TP53I3: variants seen among roughly 807,000 people sequenced by gnomAD.
TP53I3 encodes the protein quinone oxidoreductase PIG3.
Under a neutral mutation model 27.7 loss-of-function variants are expected in TP53I3, and 32 were observed. That is an observed-to-expected ratio of 1.16 (90% CI 0.87 to 1.55). The LOEUF is 1.55. Ranked by LOEUF, TP53I3 falls within the 40% of genes most tolerant of loss-of-function variation. The pLI is 0.00. For synonymous variants in TP53I3, 138 were observed against 167.8 expected (o/e 0.82, Z 1.37); for missense variants, 372 against 412.3 (o/e 0.90, Z 0.85).
In TP53I3 at chr2:24,084,469, G is replaced by C; in HGVS notation, c.-143C>G. 28 of 1,082,812 alleles carry C rather than the reference G, an allele frequency of 2.6e-5. No homozygotes were observed. The highest frequency in any genetic ancestry group is 3.3e-5 in the Non-Finnish European group (27 of 809,708). 67.1% of individuals were successfully genotyped at this position (1,082,812 alleles called of 1,614,324 possible). A position where few individuals can be genotyped will look rare whatever the true frequency, so the allele number is the denominator to read the frequency against. On this transcript the variant is annotated 5_prime_UTR_variant, in exon 1 of 5. Coordinates refer to ENST00000238721, the MANE Select transcript of TP53I3 (RefSeq NM_004881.5). The surrounding 1 kb of genome is among the most constrained non-coding windows in gnomAD (Gnocchi z 8.4). ...CCCAGCCTCAGGCTGGCACCGCAGC[G>C]CCCCCTGCCGGCCAGCGCCTCGCTG...
chr2:24,084,037 G>A lies in TP53I3; in HGVS notation c.138+152C>T, dbSNP rs1665137356. On this transcript the variant is annotated intron_variant, in intron 1 of 4. Coordinates refer to ENST00000238721, the MANE Select transcript of TP53I3 (RefSeq NM_004881.5). This position sits in a 1 kb window ranked among gnomAD's most constrained non-coding sequence, Gnocchi z 8.4. ...CCCTTGTTTTGCATGAACAAAGAGG[G>A]CGCCCTGGGTTTAGGTCTGGGAAGC... is the stretch of plus-strand genomic sequence containing the variant. The A allele has an allele frequency of 2.4e-6, 3 of 1,248,638 alleles. No individual in the cohort carries two copies. The highest frequency in any genetic ancestry group is 6.0e-5 in the Admixed American group (2 of 33,560). The allele number at this position is 1,248,638 out of a possible 1,614,324, so 77.3% of individuals were successfully genotyped here.
intron 1 of TP53I3, among the ~76,000 whole-genome samples, chr2:24,083,745 C>T (rs931350244): frequency 6.6e-6 from 1 of 152,180 alleles, no homozygotes; most frequent in Non-Finnish European, 1.5e-5. Flanking sequence ...CTCCGGGACT[C>T]TCAGAGTGGA....
In TP53I3 at chr2:24,084,361, CA is replaced by C; in HGVS notation, c.-36del. On this transcript the variant is annotated 5_prime_UTR_variant, in exon 1 of 5. Coordinates refer to ENST00000238721, the MANE Select transcript of TP53I3 (RefSeq NM_004881.5). This position sits in a 1 kb window ranked among gnomAD's most constrained non-coding sequence, Gnocchi z 8.4. ...GGACACAGGGCAGGGCAGGGCAGGACAGGACAGGGCAGGGCAGGGCAGGACA... is the reference window on the plus strand; with the variant it reads ...GGACACAGGGCAGGGCAGGGCAGGACGGACAGGGCAGGGCAGGGCAGGACA... The C allele has an allele frequency of 7.4e-7, 1 of 1,345,730 alleles. No homozygotes were observed. Among genetic ancestry groups the C allele is most frequent in the Non-Finnish European group, 1.0e-6 (1 of 989,536 alleles). The allele number at this position is 1,345,730 out of a possible 1,614,324, so 83.4% of individuals were successfully genotyped here.
chr2:24,079,773 G>T, intron 3 of TP53I3, 133 bp from the exon 4 acceptor site: 1 of 805,914 alleles, frequency 1.2e-6, no homozygotes, highest in Non-Finnish European at 2.0e-6. Flanking sequence ...AACACTGCTT[G>T]AAGAACTGTT....
At chr2:24,083,295 G>A (rs1248561571) in intron 1 of TP53I3, 143 bp from the exon 2 acceptor site, 3 of 1,067,564 alleles carry the variant, frequency 2.8e-6, no homozygotes, top group African/African-American at 1.6e-5. Context: ...GTAAGGAGAA[G>A]AAAAAGGAGA....
rs1179042517 is a variant in TP53I3, at chr2:24,082,956, C to A, written c.335G>T (p.Gly112Val). Residue 112 changes from glycine (G) to valine (V), a missense_variant, in exon 2 of 5, where the codon GGA (glycine) becomes GTA (valine). Gly to Val is a moderately radical substitution (Grantham distance 109). Transcript: ENST00000238721. ...GGCTGCAGCCTGGGTCAGGGTCAAT[C>A]CCTCTGGGATAGGCATGAGGAGCCC... is the stretch of plus-strand genomic sequence containing the variant. Reference protein sequence around the residue: ...PEGLLMPIPEGLTLTQAAAIP... With the variant: ...PEGLLMPIPEVLTLTQAAAIP... 6.2e-7 allele frequency: 1 copy of A among 1,614,082 alleles called. No individual in the cohort carries two copies. Among genetic ancestry groups the A allele is most frequent in the South Asian group, 1.1e-5 (1 of 91,072 alleles).
At chr2:24,078,753 T>C (rs1178693314) in intron 4 of TP53I3, among the ~76,000 whole-genome samples, 3 of 152,216 alleles carry the variant, frequency 2.0e-5, no homozygotes, top group African/African-American at 4.8e-5. Context: ...AGGACTCATA[T>C]AGGCTTAGTG....
chr2:24,080,694 C>T lies in TP53I3; in HGVS notation c.619+125G>A. The T allele has an allele frequency of 5.2e-6, 6 of 1,153,226 alleles. No individual in the cohort carries two copies. Among genetic ancestry groups the T allele is most frequent in the Non-Finnish European group, 7.6e-6 (6 of 791,210 alleles). The allele number at this position is 1,153,226 out of a possible 1,614,324, so 71.4% of individuals were successfully genotyped here. On this transcript the variant is annotated intron_variant, in intron 3 of 4. Coordinates refer to ENST00000238721, the MANE Select transcript of TP53I3 (RefSeq NM_004881.5). The surrounding 1 kb of genome is among the most constrained non-coding windows in gnomAD (Gnocchi z 4.7). ...AAATACCATAGTACTAGAATTTGGC[C>T]AGGGCAGCTGTTGTGCACTTAGCAG...
Position 24,084,417 on chromosome 2 carries a change from AG to A in TP53I3, c.-92del. ...AGGGCAGGGCAGGACAGGACAGGGCAGGGGCCGCTGTATCCTCGCGGAGCAG... is the reference window on the plus strand; with the variant it reads ...AGGGCAGGGCAGGACAGGACAGGGCAGGGCCGCTGTATCCTCGCGGAGCAG... On this transcript the variant is annotated 5_prime_UTR_variant, in exon 1 of 5. Coordinates refer to ENST00000238721, the MANE Select transcript of TP53I3 (RefSeq NM_004881.5). The surrounding 1 kb of genome is among the most constrained non-coding windows in gnomAD (Gnocchi z 8.4). 109 of 1,420,734 alleles carry A rather than the reference AG, an allele frequency of 7.7e-5. No individual in the cohort carries two copies. The highest frequency in any genetic ancestry group is 8.9e-5 in the Non-Finnish European group (96 of 1,074,304). The allele number at this position is 1,420,734 out of a possible 1,614,324, so 88.0% of individuals were successfully genotyped here.
chr2:24,084,363 GGACAGGGCAGGGCAGGGCAGGA>G lies in TP53I3; in HGVS notation c.-59_-38del. On this transcript the variant is annotated 5_prime_UTR_variant, in exon 1 of 5. Transcript: ENST00000238721. This position sits in a 1 kb window ranked among gnomAD's most constrained non-coding sequence, Gnocchi z 8.4. Reference sequence around the variant, plus strand: ...ACACAGGGCAGGGCAGGGCAGGACAGGACAGGGCAGGGCAGGGCAGGACAGGACAGGGCAGGGCAGGACAGGA... The same window carrying G: ...ACACAGGGCAGGGCAGGGCAGGACAGCAGGACAGGGCAGGGCAGGACAGGA... 5 of 1,326,756 alleles carry G rather than the reference GGACAGGGCAGGGCAGGGCAGGA, an allele frequency of 3.8e-6. No homozygotes were observed. Among genetic ancestry groups the G allele is most frequent in the Non-Finnish European group, 4.1e-6 (4 of 974,032 alleles). The allele number at this position is 1,326,756 out of a possible 1,614,324, so 82.2% of individuals were successfully genotyped here. A position where few individuals can be genotyped will look rare whatever the true frequency, so the allele number is the denominator to read the frequency against.
At position 24,077,681 on chromosome 2, in the gene TP53I3, C is replaced by G. The variant is rs1178839909; in HGVS notation, c.897G>C (p.Pro299=). 1.2e-5 allele frequency: 20 copies of G among 1,613,938 alleles called. No homozygotes were observed. The highest frequency in any genetic ancestry group is 2.2e-5 in the East Asian group (1 of 44,888). Residue 299 remains proline, a synonymous_variant, in exon 5 of 5, where the codon CCG becomes CCC. Transcript: ENST00000238721. The surrounding 1 kb of genome is among the most constrained non-coding windows in gnomAD (Gnocchi z 5.5). The part of the protein sequence containing the change: ...FSTEGPQRLL[P]VLDRIYPVTE... ...TCACTGGGTAGATTCTGTCCAGAACCGGCAGCAGACGTTGGGGGCCCTCCG... is the reference window on the plus strand; with the variant it reads ...TCACTGGGTAGATTCTGTCCAGAACGGGCAGCAGACGTTGGGGGCCCTCCG...
In TP53I3 at chr2:24,077,898, A is replaced by G. The variant is rs1664829292; in HGVS notation, c.817-137T>C. The G allele has an allele frequency of 4.6e-6, 4 of 866,356 alleles. No homozygotes were observed. The South Asian group carries it at 7.1e-5, about 15-fold the overall frequency. The allele number at this position is 866,356 out of a possible 1,614,324, so 53.7% of individuals were successfully genotyped here. ...AGGGACACTTAACCCCTCACTTCCTAGCATGTGTGTGAAATACCCTTGAAG... is the reference window on the plus strand; with the variant it reads ...AGGGACACTTAACCCCTCACTTCCTGGCATGTGTGTGAAATACCCTTGAAG... On this transcript the variant is annotated intron_variant, in intron 4 of 4. Coordinates refer to ENST00000238721, the MANE Select transcript of TP53I3 (RefSeq NM_004881.5). The surrounding 1 kb of genome is among the most constrained non-coding windows in gnomAD (Gnocchi z 5.5).
At position 24,084,183 on chromosome 2, in the gene TP53I3, G is replaced by A; in HGVS notation, c.138+6C>T. 3 of 1,609,594 alleles carry A rather than the reference G, an allele frequency of 1.9e-6. No homozygotes were observed. The highest frequency in any genetic ancestry group is 4.5e-5 in the East Asian group (2 of 44,776). Reference sequence around the variant, plus strand: ...GCCCGCCCCGGCGCGGCTGAGCCCTGGGTACCTGCATTAAGTCCGCCCGGT... The same window carrying A: ...GCCCGCCCCGGCGCGGCTGAGCCCTAGGTACCTGCATTAAGTCCGCCCGGT... On this transcript the variant is annotated splice_donor_region_variant and intron_variant, in intron 1 of 4. Coordinates refer to ENST00000238721, the MANE Select transcript of TP53I3 (RefSeq NM_004881.5). The surrounding 1 kb of genome is among the most constrained non-coding windows in gnomAD (Gnocchi z 8.4).
chr2:24,077,823 C>T lies in TP53I3; in HGVS notation c.817-62G>A. 1 of 1,541,734 alleles carries T rather than the reference C, an allele frequency of 6.5e-7. No homozygotes were observed. The highest frequency in any genetic ancestry group is 8.8e-7 in the Non-Finnish European group (1 of 1,139,426). On this transcript the variant is annotated intron_variant, in intron 4 of 4. Coordinates refer to ENST00000238721, the MANE Select transcript of TP53I3 (RefSeq NM_004881.5). The surrounding 1 kb of genome is among the most constrained non-coding windows in gnomAD (Gnocchi z 5.5). ...AGAGCCTCACCCTGCCCTCCTCATC[C>T]TCCTCAGCCTTCTTGCTCTCTCTGA... is the stretch of plus-strand genomic sequence containing the variant.
At position 24,084,579 on chromosome 2, in the gene TP53I3, C is replaced by A. The variant is rs1573725054; in HGVS notation, c.-253G>T. The stretch of plus-strand genomic sequence containing the variant: ...GCCTCCAGACCGATCCCACCCGGAA[C>A]ACAGATGGGAACGGCGGGAAGTGGG... On this transcript the variant is annotated 5_prime_UTR_variant, in exon 1 of 5. Transcript: ENST00000238721. The surrounding 1 kb of genome is among the most constrained non-coding windows in gnomAD (Gnocchi z 8.4). 2.3e-6 allele frequency: 1 copy of A among 440,718 alleles called. No homozygotes were observed. Among genetic ancestry groups the A allele is most frequent in the Non-Finnish European group, 4.0e-6 (1 of 251,292 alleles). 27.3% of individuals were successfully genotyped at this position (440,718 alleles called of 1,614,324 possible). A position where few individuals can be genotyped will look rare whatever the true frequency, so the allele number is the denominator to read the frequency against.
Position 24,082,966 on chromosome 2 carries a change from T to G in TP53I3, c.325A>C (p.Ile109Leu). The G allele has an allele frequency of 6.2e-7, 1 of 1,614,130 alleles. No homozygotes were observed. Among genetic ancestry groups the G allele is most frequent in the Non-Finnish European group, 8.5e-7 (1 of 1,180,020 alleles). Reference sequence around the variant, plus strand: ...TGGGTCAGGGTCAATCCCTCTGGGATAGGCATGAGGAGCCCTTCGGGGACA... The same window carrying G: ...TGGGTCAGGGTCAATCCCTCTGGGAGAGGCATGAGGAGCCCTTCGGGGACA... ...VTVPEGLLMP[I>L]PEGLTLTQAA... is the part of the protein sequence containing the mutation. Residue 109 changes from isoleucine (I) to leucine (L), a missense_variant, in exon 2 of 5, where the codon ATC becomes CTC. Physicochemically the swap from Ile to Leu is conservative, Grantham distance 5 (BLOSUM62 2). Transcript: ENST00000238721.
rs747307509 is a variant in TP53I3 at position 24,084,330 on chromosome 2, G to C, written c.-4C>G. On this transcript the variant is annotated 5_prime_UTR_variant, in exon 1 of 5. Coordinates refer to ENST00000238721, the MANE Select transcript of TP53I3 (RefSeq NM_004881.5). This position sits in a 1 kb window ranked among gnomAD's most constrained non-coding sequence, Gnocchi z 8.4. Reference sequence around the variant, plus strand: ...TGTCAAAGTGCACGGCTAACATATTGTCTGAGGACACAGGGCAGGGCAGGG... The same window carrying C: ...TGTCAAAGTGCACGGCTAACATATTCTCTGAGGACACAGGGCAGGGCAGGG... The C allele has an allele frequency of 1.2e-6, 2 of 1,613,296 alleles. No individual in the cohort carries two copies. Among genetic ancestry groups the C allele is most frequent in the Admixed American group, 3.3e-5 (2 of 59,988 alleles).
rs777640962 is a variant in TP53I3, at chr2:24,082,958, C to T, written c.333G>A (p.Glu111=). 1.2e-6 allele frequency: 2 copies of T among 1,614,116 alleles called. No individual in the cohort carries two copies. Among genetic ancestry groups the T allele is most frequent in the Admixed American group, 3.3e-5 (2 of 60,022 alleles). ...CTGCAGCCTGGGTCAGGGTCAATCC[C>T]TCTGGGATAGGCATGAGGAGCCCTT... ...VPEGLLMPIP[E]GLTLTQAAAI... is the part of the protein sequence containing the mutation. Residue 111 remains glutamate, a synonymous_variant, in exon 2 of 5, where the codon GAG becomes GAA. Coordinates refer to ENST00000238721, the MANE Select transcript of TP53I3 (RefSeq NM_004881.5).
Position 24,084,278 on chromosome 2 carries a change from C to T in TP53I3, c.49G>A (p.Val17Met), listed in dbSNP as rs767492733. Residue 17 changes from valine (V) to methionine (M), a missense_variant, in exon 1 of 5, where the codon GTG (valine) becomes ATG (methionine). Val to Met is a conservative substitution (Grantham distance 21, BLOSUM62 1). Coordinates refer to ENST00000238721, the MANE Select transcript of TP53I3 (RefSeq NM_004881.5). The surrounding 1 kb of genome is among the most constrained non-coding windows in gnomAD (Gnocchi z 8.4). ...DKPGGPENLY[V>M]KEVAKPSPGE... is the part of the protein sequence containing the mutation. ...GGGCTCGGCTTGGCCACCTCCTTCACGTAGAGGTTTTCCGGTCCTCCCGGC... is the reference window on the plus strand; with the variant it reads ...GGGCTCGGCTTGGCCACCTCCTTCATGTAGAGGTTTTCCGGTCCTCCCGGC... The T allele has an allele frequency of 6.2e-7, 1 of 1,614,082 alleles. No individual in the cohort carries two copies. Among genetic ancestry groups the T allele is most frequent in the South Asian group, 1.1e-5 (1 of 91,084 alleles).
Sources: gnomAD v4.1 joint callset for allele counts (sites outside exome capture counted in the v4.1 genomes callset) on GRCh38, gnomAD v4.1.1 for gene constraint, Gnocchi (gnomAD v3.1) non-coding constraint, MANE v1.5 for transcripts, NCBI Gene and HGNC (gene_info 2026-07-23, HGNC 2026-07-21) for gene names.